The following HHIP variants were observed in gnomAD, a reference collection of about 807,000 sequenced individuals.
The protein encoded by HHIP is hedgehog interacting protein.
HHIP carries 12 observed loss-of-function variants against 74.0 expected under a neutral mutation model. That is an observed-to-expected ratio of 0.16 (90% CI 0.10 to 0.26). The LOEUF (loss-of-function observed/expected upper bound fraction) is 0.26. Ranked by LOEUF, HHIP falls within the 10% of genes least tolerant of loss-of-function variation. The pLI, the probability that HHIP is intolerant of heterozygous loss-of-function variation, is 1.00. For synonymous variants in HHIP, 309 were observed against 311.6 expected (o/e 0.99, Z 0.09); for missense variants, 788 against 845.0 (o/e 0.93, Z 0.84).
chr4:144,652,813 G>A lies in HHIP; in HGVS notation c.472+16G>A, dbSNP rs375887279. 9 of 1,518,508 alleles carry A rather than the reference G, an allele frequency of 5.9e-6. No homozygotes were observed. In the African/African-American group the frequency reaches 1.1e-4, roughly 19 times the overall value. The allele number at this position is 1,518,508 out of a possible 1,614,324, so 94.1% of individuals were successfully genotyped here. Reference sequence around the variant, plus strand: ...CATATTCCAGGTAAGAAAAAAAAATGCATAAGTAAAATAAACCACTGCACA... The same window carrying A: ...CATATTCCAGGTAAGAAAAAAAAATACATAAGTAAAATAAACCACTGCACA... On this transcript the variant is annotated intron_variant, in intron 2 of 12. Transcript: ENST00000296575.
At chr4:144,692,820 T>C (rs1729711713) in intron 4 of HHIP, among the ~76,000 whole-genome samples, 1 of 152,042 alleles carries the variant, frequency 6.6e-6, no homozygotes, top group South Asian at 2.1e-4. Context: ...AGGAAATGCG[T>C]GTATTTTGAA....
In HHIP at chr4:144,665,377, G is replaced by C. The variant is rs189727301; in HGVS notation, c.831+5539G>C. ...TTGGCCTCTTATAAGTAAAGTTTTC[G>C]ACTGCAGTTATTTCTAATATCAATG... On this transcript the variant is annotated intron_variant, in intron 4 of 12. Transcript: ENST00000296575. 3.7e-3 allele frequency among the ~76,000 whole-genome samples: 556 copies of C among 152,196 alleles called. 5 individuals carry two copies. Among genetic ancestry groups the C allele is most frequent in the African/African-American group, 0.012 (518 of 41,536 alleles).
chr4:144,661,223 T>G (rs1728705308), intron 4 of HHIP: 1 of 152,138 alleles, frequency 6.6e-6, no homozygotes, highest in South Asian at 2.1e-4. Flanking sequence ...AGCTCTGACA[T>G]GGAGATGTTT....
At chr4:144,724,721 TA>T (rs1730750111) in intron 11 of HHIP, among the ~76,000 whole-genome samples, 2 of 146,336 alleles carry the variant, frequency 1.4e-5, no homozygotes, top group African/African-American at 5.0e-5. Context: ...TATGTATGCA[TA>T]TATATATATA....
At chr4:144,686,162 G>A (rs1729479203) in intron 4 of HHIP, among the ~76,000 whole-genome samples, 2 of 152,176 alleles carry the variant, frequency 1.3e-5, no homozygotes, top group African/African-American at 4.8e-5. Flanking sequence ...GTTTAGCCTT[G>A]AGTAGCATAT....
At chr4:144,709,176 C>T (rs911244254) in intron 7 of HHIP, among the ~76,000 whole-genome samples, 26 of 152,120 alleles carry the variant, frequency 1.7e-4, no homozygotes, top group African/African-American at 5.1e-4. Context: ...ATTTCTCAAA[C>T]TTTTTATTTT....
At chr4:144,725,455 C>T (rs1730770160) in intron 11 of HHIP, among the ~76,000 whole-genome samples, 1 of 152,078 alleles carries the variant, frequency 6.6e-6, no homozygotes, top group Non-Finnish European at 1.5e-5. Context: ...TTCTTTTCTC[C>T]TTTAAAGCAT....
chr4:144,667,521 C>T (rs1344058151), intron 4 of HHIP, among the ~76,000 whole-genome samples: 2 of 152,076 alleles, frequency 1.3e-5, no homozygotes, highest in Non-Finnish European at 2.9e-5. Context: ...GATATGTTTT[C>T]TATTTAAATG....
intron 4 of HHIP, among the ~76,000 whole-genome samples, chr4:144,664,432 C>A (rs1301851533): frequency 6.6e-6 from 1 of 152,210 alleles, no homozygotes; most frequent in Non-Finnish European, 1.5e-5. Context: ...AATCTAAGTC[C>A]TCATCAACCA....
chr4:144,689,219 A>G (rs1343045023), intron 4 of HHIP, among the ~76,000 whole-genome samples: 5 of 152,234 alleles, frequency 3.3e-5, no homozygotes, highest in Admixed American at 6.5e-5. Flanking sequence ...AAATCTCACT[A>G]ACTCTAATCC....
At chr4:144,706,043 G>T (rs1202403824) in intron 4 of HHIP, among the ~76,000 whole-genome samples, 1 of 152,190 alleles carries the variant, frequency 6.6e-6, no homozygotes, top group Non-Finnish European at 1.5e-5. Flanking sequence ...GTAAAGCAAA[G>T]GTTTACATAT....
intron 12 of HHIP, among the ~76,000 whole-genome samples, chr4:144,736,688 A>AT (rs750639795): frequency 5.9e-5 from 9 of 152,190 alleles, no homozygotes; most frequent in Non-Finnish European, 1.2e-4. Context: ...AGGTACTTTC[A>AT]TTTTTACACT....
intron 4 of HHIP, among the ~76,000 whole-genome samples, chr4:144,689,019 C>T (rs1051505315): frequency 6.6e-6 from 1 of 152,054 alleles, no homozygotes; most frequent in Non-Finnish European, 1.5e-5. Context: ...AAATATCTTC[C>T]CAAGGGTTTG....
At chr4:144,653,359 C>A (rs936261676) in intron 2 of HHIP, among the ~76,000 whole-genome samples, 1 of 152,100 alleles carries the variant, frequency 6.6e-6, no homozygotes, top group African/African-American at 2.4e-5. Flanking sequence ...ATGAGGAAAT[C>A]TGAGCCTTGG....
At chr4:144,718,557 G>A (rs72948494) in intron 10 of HHIP, among the ~76,000 whole-genome samples, 4,062 of 152,264 alleles carry the variant, frequency 0.027, 178 homozygotes, top group African/African-American at 0.091. Context: ...AATCACTGTG[G>A]CTGGTACGTT....
In HHIP at chr4:144,741,433, A is replaced by T. The variant is rs1340502725; in HGVS notation, c.*3476A>T. On this transcript the variant is annotated 3_prime_UTR_variant, in exon 13 of 13. Coordinates refer to ENST00000296575, the MANE Select transcript of HHIP (RefSeq NM_022475.3). Reference sequence around the variant, plus strand: ...AGCCTTGCTATGTTGCCCAGGCTGCAGAGCAGCACAATCTCAGCTCACTAC... The same window carrying T: ...AGCCTTGCTATGTTGCCCAGGCTGCTGAGCAGCACAATCTCAGCTCACTAC... The T allele has an allele frequency of 7.6e-6, 1 of 131,656 alleles. No homozygotes were observed. The highest frequency in any genetic ancestry group is 1.5e-5 in the Non-Finnish European group (1 of 65,254). The allele number at this position is 131,656 out of a possible 1,614,324, so 8.2% of individuals were successfully genotyped here.
At chr4:144,681,420 T>A (rs1729336459) in intron 4 of HHIP, among the ~76,000 whole-genome samples, 1 of 133,394 alleles carries the variant, frequency 7.5e-6, no homozygotes, top group Admixed American at 8.2e-5. Context: ...ATTGCAGAGT[T>A]CTTTTTTTTT....
intron 3 of HHIP, 115 bp downstream of exon 3, chr4:144,659,061 T>A (rs1578679368): frequency 1.3e-6 from 1 of 769,104 alleles, no homozygotes; most frequent in African/African-American, 1.8e-5. Flanking sequence ...ATCCTCCAGA[T>A]GCTTTAGTTT....
chr4:144,708,545 G>A (rs1730210286), intron 7 of HHIP, among the ~76,000 whole-genome samples: 1 of 152,112 alleles, frequency 6.6e-6, no homozygotes, highest in African/African-American at 2.4e-5. Context: ...ACAAATTCAT[G>A]GAGAAAATTT....
Sources: allele counts gnomAD v4.1 joint callset (sites outside exome capture counted in the v4.1 genomes callset), GRCh38; gene constraint gnomAD v4.1.1; transcripts MANE v1.5; gene names NCBI Gene and HGNC (gene_info 2026-07-23, HGNC 2026-07-21).